Variants in PTPRA observed in about 807,000 individuals in gnomAD.
The protein encoded by PTPRA is receptor-type tyrosine-protein phosphatase alpha.
PTPRA carries 25 observed loss-of-function variants against 104.8 expected under a neutral mutation model. That is an observed-to-expected ratio of 0.24 (90% CI 0.17 to 0.33). PTPRA has a LOEUF of 0.33. PTPRA is among the 10% of genes least tolerant of loss of function. The pLI, the probability that PTPRA is intolerant of heterozygous loss-of-function variation, is 1.00. For synonymous variants in PTPRA, 323 were observed against 368.9 expected, an observed-to-expected ratio of 0.88 and a Z score of 1.43; for missense variants, 765 against 1,015.3, an observed-to-expected ratio of 0.75 and a Z score of 3.35.
intron 2 of PTPRA, among the ~76,000 whole-genome samples, chr20:2,937,410 A>G (rs1345517451): frequency 2.6e-5 from 4 of 152,178 alleles, no homozygotes; most frequent in Non-Finnish European, 5.9e-5. Context: ...GGCATGAGCC[A>G]TTGTGCCTGG....
intron 9 of PTPRA, among the ~76,000 whole-genome samples, chr20:2,992,488 G>A (rs2063221168): frequency 6.6e-6 from 1 of 152,124 alleles, no homozygotes; most frequent in South Asian, 2.1e-4. Context: ...TTGCACTGTA[G>A]CCTGGGCGAC....
chr20:2,879,681 T>C (rs1156502064), intron 1 of PTPRA, among the ~76,000 whole-genome samples: 2 of 152,182 alleles, frequency 1.3e-5, no homozygotes, highest in African/African-American at 2.4e-5. Flanking sequence ...GCCACAGTGG[T>C]CCCATAAGAT....
At position 3,035,680 on chromosome 20, in the gene PTPRA, C is replaced by T. The variant is rs576742252; in HGVS notation, c.2016C>T (p.Thr672=). Residue 672 remains threonine, a synonymous_variant, in exon 21 of 24, where the codon ACC becomes ACT. Coordinates refer to ENST00000399903, the MANE Select transcript of PTPRA (RefSeq NM_001385305.1). This position sits in a 1 kb window ranked among gnomAD's most constrained non-coding sequence, Gnocchi z 5.8. ...AGGAGGAGGAATGTGAGAGCTACAC[C>T]GTCCGAGACCTCCTGGTCACCAACA... ...LKKEEECESY[T]VRDLLVTNTR... The T allele has an allele frequency of 1.2e-5, 20 of 1,614,174 alleles. No homozygotes were observed. Among genetic ancestry groups the T allele is most frequent in the South Asian group, 1.1e-4 (10 of 91,082 alleles).
intron 16 of PTPRA, among the ~76,000 whole-genome samples, chr20:3,023,295 T>G (rs956908099): frequency 1.3e-5 from 2 of 152,194 alleles, no homozygotes; most frequent in Non-Finnish European, 1.5e-5. Context: ...TTCTCCCCAC[T>G]GAGATAGCCT....
chr20:2,880,673 T>C (rs2089995205), intron 1 of PTPRA, among the ~76,000 whole-genome samples: 1 of 152,136 alleles, frequency 6.6e-6, no homozygotes, highest in African/African-American at 2.4e-5. Flanking sequence ...ATAAGAAACA[T>C]GAACTTTCGT....
chr20:3,030,367 CAGT>C (rs1226233716), intron 20 of PTPRA, among the ~76,000 whole-genome samples: 1 of 152,184 alleles, frequency 6.6e-6, no homozygotes, highest in Non-Finnish European at 1.5e-5. Flanking sequence ...GTGAAGCAGA[CAGT>C]AGTGCTTGCC....
In PTPRA at chr20:2,977,594, A is replaced by C. The variant is rs534865756; in HGVS notation, c.442+2353A>C. On this transcript the variant is annotated intron_variant, in intron 6 of 23. Transcript: ENST00000399903. ...CAGGAAATGGAGGTTGCAGTGAGCCAAGATTGCGTGACTGTACTCTAGCCT... is the reference window on the plus strand; with the variant it reads ...CAGGAAATGGAGGTTGCAGTGAGCCCAGATTGCGTGACTGTACTCTAGCCT... Among the ~76,000 whole-genome samples, 63 of 151,818 alleles carry C rather than the reference A, an allele frequency of 4.1e-4. No homozygotes were observed. In the South Asian group the frequency reaches 4.4e-3, roughly 11 times the overall value.
intron 11 of PTPRA, among the ~76,000 whole-genome samples, chr20:3,014,422 G>A (rs906988915): frequency 6.6e-6 from 1 of 152,136 alleles, no homozygotes; most frequent in African/African-American, 2.4e-5. Flanking sequence ...CGGATCATCT[G>A]AGTTCAGGAA....
intron 9 of PTPRA, among the ~76,000 whole-genome samples, chr20:2,997,972 T>C (rs2063467626): frequency 6.6e-6 from 1 of 152,136 alleles, no homozygotes; most frequent in Non-Finnish European, 1.5e-5. Context: ...CAAAACAATT[T>C]TTTTTAATTA....
At chr20:3,034,724 TTC>T (rs1433396265) in intron 20 of PTPRA, among the ~76,000 whole-genome samples, 2 of 152,280 alleles carry the variant, frequency 1.3e-5, no homozygotes, top group East Asian at 3.9e-4. Flanking sequence ...TATTCACAAT[TTC>T]TTTTTCTACT....
intron 5 of PTPRA, 119 bp from the exon 6 acceptor site, chr20:2,975,096 A>T (rs2062374305): frequency 4.7e-6 from 4 of 854,294 alleles, no homozygotes; most frequent in Admixed American, 5.3e-5. Flanking sequence ...CAGTTGTTGG[A>T]GGATGCCTCA....
chr20:2,996,113 C>T (rs1021511641), intron 9 of PTPRA, among the ~76,000 whole-genome samples: 2 of 152,164 alleles, frequency 1.3e-5, no homozygotes, highest in Admixed American at 6.5e-5. Context: ...CAGTTAAGGT[C>T]CTCTAGTTAA....
Position 2,950,642 on chromosome 20 carries a change from CAA to C in PTPRA, c.-7+2631_-7+2632del, listed in dbSNP as rs879725577. Reference sequence around the variant, plus strand: ...TGGGCGACAGAGCGAGACTCCATCTCAAAAAAAAAAAAAATTTACTTGTGTCT... The same window carrying C: ...TGGGCGACAGAGCGAGACTCCATCTCAAAAAAAAAAAATTTACTTGTGTCT... On this transcript the variant is annotated intron_variant, in intron 3 of 23. Coordinates refer to ENST00000399903, the MANE Select transcript of PTPRA (RefSeq NM_001385305.1). The surrounding 1 kb of genome is among the most constrained non-coding windows in gnomAD (Gnocchi z 4.0). 7.4e-6 allele frequency among the ~76,000 whole-genome samples: 1 copy of C among 135,060 alleles called. No individual in the cohort carries two copies. The highest frequency in any genetic ancestry group is 1.6e-5 in the Non-Finnish European group (1 of 62,136). 88.6% of individuals were successfully genotyped at this position (135,060 alleles called of 152,430 possible). A position where few individuals can be genotyped will look rare whatever the true frequency, so the allele number is the denominator to read the frequency against.
chr20:2,994,308 T>G (rs1217379970), intron 9 of PTPRA, among the ~76,000 whole-genome samples: 1 of 152,146 alleles, frequency 6.6e-6, no homozygotes, highest in Non-Finnish European at 1.5e-5. Context: ...ACGAGTTGGA[T>G]GAGGGGGCCC....
At chr20:2,967,476 AT>A (rs2081162270) in intron 5 of PTPRA, among the ~76,000 whole-genome samples, 2 of 152,210 alleles carry the variant, frequency 1.3e-5, no homozygotes, top group African/African-American at 2.4e-5. Context: ...TGAAATATTC[AT>A]TGCTGAGCTA....
At chr20:2,935,138 A>G (rs986160237) in intron 2 of PTPRA, among the ~76,000 whole-genome samples, 9 of 152,120 alleles carry the variant, frequency 5.9e-5, no homozygotes, top group Admixed American at 1.3e-4. Context: ...TTTGTTCAGT[A>G]TTTCCCCAAT....
At chr20:2,910,589 G>GTTTTTTTTTTTTTT (rs1423909050) in intron 1 of PTPRA, among the ~76,000 whole-genome samples, 6 of 57,970 alleles carry the variant, frequency 1.0e-4, no homozygotes, top group African/African-American at 1.6e-4. Flanking sequence ...TTTTTTTTTT[G>GTTTTTTTTTTTTTT]TTTTTTTTTT....
At chr20:2,914,728 C>T (rs894025336) in intron 1 of PTPRA, among the ~76,000 whole-genome samples, 5 of 151,960 alleles carry the variant, frequency 3.3e-5, no homozygotes, top group Non-Finnish European at 5.9e-5. Context: ...TATTTGGAGA[C>T]GAAAAAAGTA....
At chr20:2,971,718 C>T (rs1050982142) in intron 5 of PTPRA, among the ~76,000 whole-genome samples, 1 of 152,020 alleles carries the variant, frequency 6.6e-6, no homozygotes, top group Non-Finnish European at 1.5e-5. Context: ...ATTTAATGAG[C>T]GTTTATGTTA....
Sources: allele counts gnomAD v4.1 joint callset (sites outside exome capture counted in the v4.1 genomes callset), GRCh38; gene constraint gnomAD v4.1.1; non-coding constraint Gnocchi (gnomAD v3.1); transcripts MANE v1.5; gene names NCBI Gene and HGNC (gene_info 2026-07-23, HGNC 2026-07-21).